The following TMED10 variants were observed in gnomAD, a reference collection of about 807,000 sequenced individuals.
The protein encoded by TMED10 is transmembrane p24 trafficking protein 10.
TMED10 carries 7 observed loss-of-function variants against 23.1 expected under a neutral mutation model. The ratio of observed to expected loss-of-function variants is 0.30; its 90% CI spans 0.17 to 0.57. The LOEUF (loss-of-function observed/expected upper bound fraction) is 0.57. TMED10 is among the 20% of genes least tolerant of loss of function. TMED10 has a pLI of 0.91. For missense variants in TMED10, 162 were observed against 274.8 expected, an observed-to-expected ratio of 0.59 and a Z score of 2.90; for synonymous variants, 113 against 106.9, an observed-to-expected ratio of 1.06 and a Z score of -0.35.
intron 3 of TMED10, among the ~76,000 whole-genome samples, chr14:75,143,396 G>A (rs555945734): frequency 1.3e-5 from 2 of 152,230 alleles, no homozygotes; most frequent in East Asian, 3.9e-4. Context: ...ATATGTAACT[G>A]TACCAAGAAA....
intron 1 of TMED10, among the ~76,000 whole-genome samples, chr14:75,167,000 G>A (rs948266642): frequency 4.0e-4 from 60 of 149,128 alleles, no homozygotes; most frequent in African/African-American, 1.4e-3. Context: ...GGAGTGCAGT[G>A]GCGTGATCTC....
Position 75,131,810 on chromosome 14 carries a change from A to C in TMED10, c.*3075T>G, listed in dbSNP as rs368408860. On this transcript the variant is annotated 3_prime_UTR_variant, in exon 5 of 5. Transcript: ENST00000303575. The stretch of plus-strand genomic sequence containing the variant: ...AATATCAATTAACTTTTAAACCAAA[A>C]GCACAAAATGTCCCAGTTGATAGTT... 56 of 152,358 alleles carry C rather than the reference A, an allele frequency of 3.7e-4. No homozygotes were observed. Among genetic ancestry groups the C allele is most frequent in the African/African-American group, 1.3e-3 (55 of 41,590 alleles). 9.4% of individuals were successfully genotyped at this position (152,358 alleles called of 1,614,324 possible).
chr14:75,135,973 A>T (rs1326977220), intron 3 of TMED10, 87 bp from the exon 4 acceptor site: 2 of 1,543,536 alleles, frequency 1.3e-6, no homozygotes, highest in South Asian at 2.4e-5. Context: ...TCTTTTTTAA[A>T]GTTTCACCAG....
intron 1 of TMED10, among the ~76,000 whole-genome samples, chr14:75,153,177 A>G (rs1056327424): frequency 1.3e-4 from 20 of 150,360 alleles, no homozygotes; most frequent in African/African-American, 4.6e-4. Context: ...AAAAAATACA[A>G]AAATTAGCCA....
chr14:75,161,138 T>C (rs1186130904), intron 1 of TMED10, among the ~76,000 whole-genome samples: 1 of 152,196 alleles, frequency 6.6e-6, no homozygotes, highest in Non-Finnish European at 1.5e-5. Context: ...CTGTGAGAAG[T>C]GCGAAAACAG....
chr14:75,145,564 G>C (rs1008659105), intron 3 of TMED10, among the ~76,000 whole-genome samples: 1 of 152,194 alleles, frequency 6.6e-6, no homozygotes, highest in Non-Finnish European at 1.5e-5. Flanking sequence ...AAGACAGGCA[G>C]ATCACGAGGT....
At chr14:75,152,705 G>A (rs1416296474) in intron 1 of TMED10, among the ~76,000 whole-genome samples, 1 of 152,132 alleles carries the variant, frequency 6.6e-6, no homozygotes, top group Non-Finnish European at 1.5e-5. Context: ...TATGTCAACG[G>A]CCAGGTAGAG....
intron 1 of TMED10, among the ~76,000 whole-genome samples, chr14:75,161,349 C>T (rs1896083143): frequency 6.6e-6 from 1 of 152,012 alleles, no homozygotes; most frequent in Non-Finnish European, 1.5e-5. Flanking sequence ...TAGAGTTCAC[C>T]TGAGGGAAGA....
intron 1 of TMED10, among the ~76,000 whole-genome samples, chr14:75,162,731 G>C (rs949128037): frequency 2.0e-5 from 3 of 151,994 alleles, no homozygotes; most frequent in Admixed American, 1.3e-4. Flanking sequence ...ATGATCAAGG[G>C]CAGTATCAAC....
intron 3 of TMED10, chr14:75,139,282 A>T (rs892126302): frequency 8.3e-6 from 3 of 362,134 alleles, no homozygotes; most frequent in African/African-American, 6.4e-5. Flanking sequence ...CTTTCCAAAA[A>T]TGTCAGTGCT....
intron 1 of TMED10, among the ~76,000 whole-genome samples, chr14:75,152,424 A>C (rs2139844103): frequency 6.6e-6 from 1 of 152,366 alleles, no homozygotes; most frequent in Middle Eastern, 3.4e-3. Flanking sequence ...CTAATGCTCC[A>C]AGTTACATAC....
rs1385026429 is a variant in TMED10, at chr14:75,132,652, A to G, written c.*2233T>C. 1 of 152,010 alleles carries G rather than the reference A, an allele frequency of 6.6e-6. No homozygotes were observed. Among genetic ancestry groups the G allele is most frequent in the African/African-American group, 2.4e-5 (1 of 41,386 alleles). The allele number at this position is 152,010 out of a possible 1,614,324, so 9.4% of individuals were successfully genotyped here. ...AAGACACAAGGAGTCAAAAGGGGGA[A>G]AAAAAAAGTTTGGGTTCATAGTAGC... On this transcript the variant is annotated 3_prime_UTR_variant, in exon 5 of 5. Transcript: ENST00000303575.
chr14:75,171,982 G>A (rs1896240129), intron 1 of TMED10, among the ~76,000 whole-genome samples: 1 of 151,516 alleles, frequency 6.6e-6, no homozygotes, highest in South Asian at 2.1e-4. Flanking sequence ...TGCAGAACGT[G>A]CAGGTTTGTT....
chr14:75,166,041 G>A (rs908288194), intron 1 of TMED10, among the ~76,000 whole-genome samples: 1 of 152,032 alleles, frequency 6.6e-6, no homozygotes, highest in Non-Finnish European at 1.5e-5. Context: ...GAACGAGAAC[G>A]AAAGACCCGT....
chr14:75,152,027 C>T lies in TMED10; in HGVS notation c.337+5G>A. On this transcript the variant is annotated splice_donor_5th_base_variant and intron_variant, in intron 2 of 4. Coordinates refer to ENST00000303575, the MANE Select transcript of TMED10 (RefSeq NM_006827.6). ...TAATCCAGAGAAACACTCTTGATTA[C>T]TCACCCTTGCTCTCAAAACACACTT... 6.2e-7 allele frequency: 1 copy of T among 1,611,694 alleles called. No individual in the cohort carries two copies. Among genetic ancestry groups the T allele is most frequent in the Non-Finnish European group, 8.5e-7 (1 of 1,177,980 alleles).
intron 1 of TMED10, among the ~76,000 whole-genome samples, chr14:75,158,021 C>T (rs1896041637): frequency 6.6e-6 from 1 of 152,114 alleles, no homozygotes; most frequent in Non-Finnish European, 1.5e-5. Flanking sequence ...TTTCTGCATC[C>T]CATGCTGCCT....
chr14:75,170,013 G>A (rs1232788593), intron 1 of TMED10, among the ~76,000 whole-genome samples: 3 of 151,720 alleles, frequency 2.0e-5, no homozygotes, highest in East Asian at 3.9e-4. Flanking sequence ...GGATCATGAG[G>A]TCAGGGGATT....
Position 75,134,835 on chromosome 14 carries a change from G to C in TMED10, c.*50C>G, listed in dbSNP as rs981588768. The stretch of plus-strand genomic sequence containing the variant: ...TGCCTTAGGCCAGGCACGTCCCAGC[G>C]ATGTTCTGCTGGCTGAGGTACAAGG... On this transcript the variant is annotated 3_prime_UTR_variant, in exon 5 of 5. Transcript: ENST00000303575. The C allele has an allele frequency of 6.2e-6, 10 of 1,609,948 alleles. No homozygotes were observed. The African/African-American group carries it at 1.3e-4, about 22-fold the overall frequency.
At chr14:75,176,248 C>T in intron 1 of TMED10, 107 bp downstream of exon 1, 1 of 1,400,562 alleles carries the variant, frequency 7.1e-7, no homozygotes, top group Non-Finnish European at 9.8e-7. Flanking sequence ...TCCCGGGAGG[C>T]CAGAACAACT....
Sources: gnomAD v4.1 joint callset for allele counts (sites outside exome capture counted in the v4.1 genomes callset) on GRCh38, gnomAD v4.1.1 for gene constraint, MANE v1.5 for transcripts, NCBI Gene and HGNC (gene_info 2026-07-23, HGNC 2026-07-21) for gene names.